CDH4: variants seen among roughly 807,000 people sequenced by gnomAD.
CDH4 encodes cadherin 4, also known as cadherin-4.
A neutral mutation model predicts 86.0 loss-of-function variants in CDH4; 33 were observed. That is an observed-to-expected ratio of 0.38 (90% CI 0.29 to 0.51). CDH4 has a LOEUF of 0.51. CDH4 is among the 20% of genes least tolerant of loss of function. The probability of loss-of-function intolerance (pLI) is 0.86; values close to 1 mark genes in which losing one functional copy is unlikely to be tolerated. For synonymous variants in CDH4, 555 were observed against 549.4 expected, an observed-to-expected ratio of 1.01 and a Z score of -0.14; for missense variants, 1,114 against 1,307.4, an observed-to-expected ratio of 0.85 and a Z score of 2.28.
At chr20:61,843,503 G>A (rs1399911679) in intron 4 of CDH4, among the ~76,000 whole-genome samples, 1 of 116,238 alleles carries the variant, frequency 8.6e-6, no homozygotes, top group Non-Finnish European at 2.2e-5. Context: ...ACCAGCCTGG[G>A]AAACATAGTG....
intron 4 of CDH4, among the ~76,000 whole-genome samples, chr20:61,793,988 A>AAT: frequency 7.0e-6 from 1 of 143,470 alleles, no homozygotes; most frequent in East Asian, 2.1e-4. Context: ...AATACAAAAA[A>AAT]AAAAATTAGC....
At chr20:61,644,756 A>G (rs552650947) in intron 2 of CDH4, among the ~76,000 whole-genome samples, 2 of 152,266 alleles carry the variant, frequency 1.3e-5, no homozygotes, top group African/African-American at 4.8e-5. Flanking sequence ...GAGTTCTGAA[A>G]TACTTTGTGC....
At chr20:61,910,053 A>G (rs1403383494) in intron 8 of CDH4, among the ~76,000 whole-genome samples, 1 of 152,152 alleles carries the variant, frequency 6.6e-6, no homozygotes, top group African/African-American at 2.4e-5. Flanking sequence ...ACTCCCGTGC[A>G]CCCCTGAGCA....
At position 61,676,613 on chromosome 20, in the gene CDH4, ACT is replaced by A. The variant is rs995957230; in HGVS notation, c.170-66949_170-66948del. On this transcript the variant is annotated intron_variant, in intron 2 of 15. Coordinates refer to ENST00000614565, the MANE Select transcript of CDH4 (RefSeq NM_001794.5). This position sits in a 1 kb window ranked among gnomAD's most constrained non-coding sequence, Gnocchi z 4.5. ...GGCTCTGTGCACCCAGCCAGGGTTCACTGAGTGTACCTGGCATTCTCTCAATT... is the reference window on the plus strand; with the variant it reads ...GGCTCTGTGCACCCAGCCAGGGTTCAGAGTGTACCTGGCATTCTCTCAATT... Among the ~76,000 whole-genome samples, 2 of 152,170 alleles carry A rather than the reference ACT, an allele frequency of 1.3e-5. No individual in the cohort carries two copies. Among genetic ancestry groups the A allele is most frequent in the Non-Finnish European group, 2.9e-5 (2 of 68,030 alleles).
chr20:61,728,432 G>C (rs948095819), intron 2 of CDH4, among the ~76,000 whole-genome samples: 4 of 152,122 alleles, frequency 2.6e-5, no homozygotes, highest in Non-Finnish European at 5.9e-5. Context: ...TCAAGGAAGG[G>C]CTCAAGGGCC....
At chr20:61,770,942 C>T (rs1477922207) in intron 3 of CDH4, among the ~76,000 whole-genome samples, 1 of 151,078 alleles carries the variant, frequency 6.6e-6, no homozygotes, top group Admixed American at 6.6e-5. Flanking sequence ...AACAGAACTC[C>T]CTGGTGACCA....
intron 2 of CDH4, chr20:61,570,064 C>T (rs1388598054): frequency 6.6e-6 from 1 of 152,438 alleles, no homozygotes; most frequent in Non-Finnish European, 1.5e-5. Context: ...ACTATGGCGC[C>T]GTTACGCATG....
intron 2 of CDH4, among the ~76,000 whole-genome samples, chr20:61,296,594 C>T (rs866199211): frequency 1.3e-5 from 2 of 152,132 alleles, no homozygotes; most frequent in African/African-American, 2.4e-5. Context: ...CAGCATTTAC[C>T]GCCTCGTAAA....
intron 2 of CDH4, among the ~76,000 whole-genome samples, chr20:61,705,771 TGTG>T (rs2087822801): frequency 6.6e-6 from 1 of 152,236 alleles, no homozygotes; most frequent in Admixed American, 6.5e-5. Context: ...ATGTTTTAAA[TGTG>T]GTGGATGCCT....
At chr20:61,521,593 A>C (rs747798777) in intron 2 of CDH4, among the ~76,000 whole-genome samples, 33 of 152,236 alleles carry the variant, frequency 2.2e-4, no homozygotes, top group Non-Finnish European at 2.6e-4. Context: ...TGATGTGCAG[A>C]AACCTGAATT....
At chr20:61,644,055 A>G (rs562117915) in intron 2 of CDH4, among the ~76,000 whole-genome samples, 1 of 152,194 alleles carries the variant, frequency 6.6e-6, no homozygotes, top group Non-Finnish European at 1.5e-5. Context: ...ACAGACAGGA[A>G]CAGGATTGGA....
chr20:61,420,622 C>A lies in CDH4; in HGVS notation c.169+165685C>A, dbSNP rs913551. ...CTTCCTCACAAGACCTAACAGAAAC[C>A]CATGCCCAGGTGCAGCCAAAGCCGT... On this transcript the variant is annotated intron_variant, in intron 2 of 15. Coordinates refer to ENST00000614565, the MANE Select transcript of CDH4 (RefSeq NM_001794.5). 1.6e-3 allele frequency among the ~76,000 whole-genome samples: 237 copies of A among 152,250 alleles called. 2 individuals are homozygous for A. The East Asian group carries it at 0.023, about 15-fold the overall frequency.
chr20:61,461,406 C>T (rs145599529), intron 2 of CDH4, among the ~76,000 whole-genome samples: 216 of 152,228 alleles, frequency 1.4e-3, no homozygotes, highest in African/African-American at 4.9e-3. Context: ...CAGAACCTGC[C>T]ACAGCAGCAG....
chr20:61,758,330 A>G (rs976181358), intron 3 of CDH4, among the ~76,000 whole-genome samples: 16 of 152,164 alleles, frequency 1.1e-4, no homozygotes, highest in African/African-American at 3.9e-4. Context: ...CCCAGTCACA[A>G]CGTAATTACT....
At chr20:61,654,844 G>T (rs995312762) in intron 2 of CDH4, among the ~76,000 whole-genome samples, 3 of 152,250 alleles carry the variant, frequency 2.0e-5, no homozygotes, top group African/African-American at 7.2e-5. Context: ...GCTGCAGCCC[G>T]GGAAGGGGCT....
intron 2 of CDH4, among the ~76,000 whole-genome samples, chr20:61,485,369 A>G (rs2085590511): frequency 1.3e-5 from 2 of 152,172 alleles, no homozygotes; most frequent in South Asian, 2.1e-4. Context: ...CTATTGTGAA[A>G]GCATCCCTGC....
At chr20:61,486,981 C>T (rs185909258) in intron 2 of CDH4, among the ~76,000 whole-genome samples, 3 of 152,114 alleles carry the variant, frequency 2.0e-5, no homozygotes, top group Non-Finnish European at 2.9e-5. Flanking sequence ...CTCGTGTGTA[C>T]CCAGTGGTGC....
chr20:61,293,247 C>A (rs948491556), intron 2 of CDH4, among the ~76,000 whole-genome samples: 1 of 152,156 alleles, frequency 6.6e-6, no homozygotes, highest in Non-Finnish European at 1.5e-5. Context: ...GGGACTTGGC[C>A]TGTGTGGATG....
intron 2 of CDH4, among the ~76,000 whole-genome samples, chr20:61,618,008 T>C (rs1246544431): frequency 6.6e-6 from 1 of 152,146 alleles, no homozygotes; most frequent in Admixed American, 6.5e-5. Flanking sequence ...CCTGCCGCCA[T>C]GTAAGATGTG....
Sources: gnomAD v4.1 joint callset for allele counts (sites outside exome capture counted in the v4.1 genomes callset) on GRCh38, gnomAD v4.1.1 for gene constraint, Gnocchi (gnomAD v3.1) non-coding constraint, MANE v1.5 for transcripts, NCBI Gene and HGNC (gene_info 2026-07-23, HGNC 2026-07-21) for gene names.